Variants in ATXN1 observed in about 807,000 individuals in gnomAD.
ATXN1 encodes the protein ataxin 1.
ATXN1 carries 8 observed loss-of-function variants against 56.4 expected under a neutral mutation model. The ratio of observed to expected loss-of-function variants is 0.14; its 90% CI spans 0.08 to 0.26. The LOEUF (loss-of-function observed/expected upper bound fraction) is 0.26, where lower values mean the gene tolerates loss of function less well. ATXN1 is among the 10% of genes least tolerant of loss of function. The pLI is 1.00. For missense variants in ATXN1, 987 were observed against 1,106.5 expected, an observed-to-expected ratio of 0.89 and a Z score of 1.53; for synonymous variants, 514 against 494.6, an observed-to-expected ratio of 1.04 and a Z score of -0.52.
intron 1 of ATXN1, among the ~76,000 whole-genome samples, chr6:16,758,424 G>T (rs181882526): frequency 6.6e-6 from 1 of 152,156 alleles, no homozygotes; most frequent in Non-Finnish European, 1.5e-5. Context: ...GGATTGTCAG[G>T]CTCCTTTCAC....
At chr6:16,488,684 A>G (rs1760598645) in intron 5 of ATXN1, among the ~76,000 whole-genome samples, 1 of 152,206 alleles carries the variant, frequency 6.6e-6, no homozygotes, top group African/African-American at 2.4e-5. Flanking sequence ...TGTTCTCCCC[A>G]TGAATGGAGT....
intron 3 of ATXN1, among the ~76,000 whole-genome samples, chr6:16,640,276 A>T (rs1452548128): frequency 6.6e-6 from 1 of 152,170 alleles, no homozygotes; most frequent in African/African-American, 2.4e-5. Flanking sequence ...TGAACCACAC[A>T]CCCCATATAA....
intron 6 of ATXN1, among the ~76,000 whole-genome samples, chr6:16,413,345 GT>G (rs60385649): frequency 2.7e-5 from 4 of 148,132 alleles, no homozygotes; most frequent in East Asian, 2.0e-4. Context: ...CACTGTTTTT[GT>G]TTTTTTTTTA....
chr6:16,416,894 T>A lies in ATXN1; in HGVS notation c.-161+69078A>T, dbSNP rs569174432. Reference sequence around the variant, plus strand: ...ACTCAGTAGAATGTGGCTTTTATCTTGCATGGTGTAGGCTTTTAATAAGTA... The same window carrying A: ...ACTCAGTAGAATGTGGCTTTTATCTAGCATGGTGTAGGCTTTTAATAAGTA... On this transcript the variant is annotated intron_variant, in intron 6 of 7. Transcript: ENST00000436367. Among the ~76,000 whole-genome samples, 23 of 152,328 alleles carry A rather than the reference T, an allele frequency of 1.5e-4. No individual in the cohort carries two copies. The South Asian group carries it at 4.8e-3, about 32-fold the overall frequency.
At position 16,360,205 on chromosome 6, in the gene ATXN1, G is replaced by A. The variant is rs143593843; in HGVS notation, c.-160-31735C>T. 1.7e-3 allele frequency among the ~76,000 whole-genome samples: 261 copies of A among 152,228 alleles called. 2 individuals are homozygous for A. Among genetic ancestry groups the A allele is most frequent in the African/African-American group, 5.8e-3 (240 of 41,524 alleles). On this transcript the variant is annotated intron_variant, in intron 6 of 7. Transcript: ENST00000436367. ...ATATCTGCTGAATATTAGAAGCACC[G>A]GAGAGCTTCTACAAGACACTAACCC...
At chr6:16,472,722 G>C (rs1760243476) in intron 6 of ATXN1, among the ~76,000 whole-genome samples, 1 of 152,168 alleles carries the variant, frequency 6.6e-6, no homozygotes, top group African/African-American at 2.4e-5. Flanking sequence ...CTCCGAGCAT[G>C]CCCTGGGGTT....
chr6:16,406,696 GT>G (rs1212063959), intron 6 of ATXN1, among the ~76,000 whole-genome samples: 1 of 152,190 alleles, frequency 6.6e-6, no homozygotes, highest in Non-Finnish European at 1.5e-5. Context: ...CAAGCATTAG[GT>G]CATAGCCTGT....
At chr6:16,427,632 G>A (rs1404951125) in intron 6 of ATXN1, among the ~76,000 whole-genome samples, 1 of 152,172 alleles carries the variant, frequency 6.6e-6, no homozygotes, top group Admixed American at 6.5e-5. Flanking sequence ...AACATCAAGG[G>A]TTCCGTTTTC....
chr6:16,570,883 C>T (rs745919709), intron 4 of ATXN1, among the ~76,000 whole-genome samples: 1 of 152,140 alleles, frequency 6.6e-6, no homozygotes, highest in Non-Finnish European at 1.5e-5. Context: ...AGCTGTCCAC[C>T]CTCATCACTT....
chr6:16,663,787 C>T (rs1341577503), intron 2 of ATXN1, among the ~76,000 whole-genome samples: 1 of 152,146 alleles, frequency 6.6e-6, no homozygotes, highest in African/African-American at 2.4e-5. Context: ...AGCTCAGCCT[C>T]CCAAGTAGCT....
chr6:16,662,660 A>T (rs1182579080), intron 2 of ATXN1, among the ~76,000 whole-genome samples: 2 of 152,182 alleles, frequency 1.3e-5, no homozygotes, highest in Non-Finnish European at 2.9e-5. Context: ...AACCTGCCAC[A>T]TAGCTCTACA....
chr6:16,382,403 C>T (rs528278130), intron 6 of ATXN1, among the ~76,000 whole-genome samples: 5 of 151,890 alleles, frequency 3.3e-5, no homozygotes, highest in South Asian at 2.1e-4. Context: ...TTTGAGGATG[C>T]AGTGAGCTAT....
At chr6:16,530,156 G>A (rs757014567) in intron 4 of ATXN1, among the ~76,000 whole-genome samples, 53 of 152,280 alleles carry the variant, frequency 3.5e-4, no homozygotes, top group Non-Finnish European at 6.2e-4. Flanking sequence ...CTCTGATATT[G>A]GCTGAAGAAA....
intron 6 of ATXN1, among the ~76,000 whole-genome samples, chr6:16,416,512 A>C (rs925148487): frequency 1.3e-5 from 2 of 152,236 alleles, no homozygotes; most frequent in African/African-American, 4.8e-5. Context: ...TGTTGTGAGG[A>C]CCTAATCAGA....
intron 7 of ATXN1, among the ~76,000 whole-genome samples, chr6:16,325,118 GTT>G (rs11326648): frequency 8.3e-5 from 12 of 143,894 alleles, no homozygotes; most frequent in Admixed American, 2.1e-4. Context: ...CCTTCCATCT[GTT>G]TTTTTTTTTT....
intron 6 of ATXN1, among the ~76,000 whole-genome samples, chr6:16,386,585 T>C: frequency 6.6e-6 from 1 of 152,286 alleles, no homozygotes; most frequent in Non-Finnish European, 1.5e-5. Flanking sequence ...AGAGCAAATG[T>C]GGGAGCTCCT....
intron 6 of ATXN1, among the ~76,000 whole-genome samples, chr6:16,454,925 T>C (rs1415878672): frequency 6.6e-6 from 1 of 152,094 alleles, no homozygotes; most frequent in Non-Finnish European, 1.5e-5. Flanking sequence ...AGCTTGGATA[T>C]AAAAAGAGGT....
chr6:16,542,892 T>C (rs185129559), intron 4 of ATXN1, among the ~76,000 whole-genome samples: 1 of 152,164 alleles, frequency 6.6e-6, no homozygotes, highest in Non-Finnish European at 1.5e-5. Flanking sequence ...CTAAAAGTTA[T>C]GTGAATGTGG....
At chr6:16,566,717 A>G (rs188764407) in intron 4 of ATXN1, among the ~76,000 whole-genome samples, 3,133 of 152,086 alleles carry the variant, frequency 0.021, 48 homozygotes, top group Non-Finnish European at 0.03. Context: ...TTAGCCGGGC[A>G]TGGTGGTGGG....
Sources: allele counts gnomAD v4.1 joint callset (sites outside exome capture counted in the v4.1 genomes callset), GRCh38; gene constraint gnomAD v4.1.1; transcripts MANE v1.5; gene names NCBI Gene and HGNC (gene_info 2026-07-23, HGNC 2026-07-21).